Variants in SEZ6L observed in about 807,000 individuals in gnomAD.
The protein encoded by SEZ6L is seizure related 6 homolog like, also known as seizure 6-like protein.
A neutral mutation model predicts 106.2 loss-of-function variants in SEZ6L; 37 were observed. The ratio of observed to expected loss-of-function variants is 0.35; its 90% confidence interval spans 0.27 to 0.46. The LOEUF is 0.46. Ranked by LOEUF, SEZ6L falls within the 20% of genes least tolerant of loss-of-function variation. The probability of loss-of-function intolerance (pLI) is 1.00; values close to 1 mark genes in which losing one functional copy is unlikely to be tolerated. For synonymous variants in SEZ6L, 541 were observed against 570.4 expected (o/e 0.95, Z 0.73); for missense variants, 1,172 against 1,332.8 (o/e 0.88, Z 1.88).
At chr22:26,190,475 G>T (rs1356754271) in intron 1 of SEZ6L, among the ~76,000 whole-genome samples, 1 of 152,112 alleles carries the variant, frequency 6.6e-6, no homozygotes, top group Non-Finnish European at 1.5e-5. Flanking sequence ...TTAAAATCAG[G>T]CTGCCTGAGT....
At chr22:26,266,410 A>AAG (rs948865017) in intron 1 of SEZ6L, among the ~76,000 whole-genome samples, 2 of 150,998 alleles carry the variant, frequency 1.3e-5, no homozygotes, top group African/African-American at 4.9e-5. Context: ...AAAAAAAAAA[A>AAG]AAAATACAAA....
rs143504590 is a variant in SEZ6L, at chr22:26,292,932, G to A, written c.621G>A (p.Ser207=). The change falls in exon 2 of 17, where the codon TCG becomes TCA. Residue 207 remains serine, a synonymous_variant. Transcript: ENST00000248933. The part of the protein sequence containing the change: ...PAPLQISPFT[S]QPYVAHTLPQ... ...CCCTGCAAATCTCCCCCTTCACTTC[G>A]CAGCCCTATGTGGCCCACACACTCC... The A allele has an allele frequency of 1.4e-4, 225 of 1,613,946 alleles. 1 individual carries two copies. The highest frequency in any genetic ancestry group is 1.7e-4 in the Non-Finnish European group (199 of 1,180,006).
chr22:26,225,969 C>T (rs953645336), intron 1 of SEZ6L, among the ~76,000 whole-genome samples: 4 of 152,178 alleles, frequency 2.6e-5, no homozygotes, highest in African/African-American at 9.7e-5. Context: ...ATCCATTACT[C>T]CTTGCTCTCT....
chr22:26,181,406 A>G (rs1463572287), intron 1 of SEZ6L, among the ~76,000 whole-genome samples: 1 of 152,222 alleles, frequency 6.6e-6, no homozygotes, highest in East Asian at 1.9e-4. Flanking sequence ...TTGGAAATTA[A>G]TGTAAAATAT....
At chr22:26,190,255 A>G (rs1374606830) in intron 1 of SEZ6L, among the ~76,000 whole-genome samples, 1 of 152,218 alleles carries the variant, frequency 6.6e-6, no homozygotes, top group Non-Finnish European at 1.5e-5. Flanking sequence ...AAATTTTCAG[A>G]TAAACAAGTT....
intron 9 of SEZ6L, among the ~76,000 whole-genome samples, chr22:26,338,217 T>C (rs2082704746): frequency 6.6e-6 from 1 of 152,212 alleles, no homozygotes; most frequent in African/African-American, 2.4e-5. Context: ...TGCAAGATGA[T>C]GTCCAAAAGT....
At chr22:26,362,223 T>G (rs2083658733) in intron 12 of SEZ6L, among the ~76,000 whole-genome samples, 2 of 152,202 alleles carry the variant, frequency 1.3e-5, no homozygotes, top group African/African-American at 4.8e-5. Flanking sequence ...TGTGATTTGA[T>G]TCTGGGCTCA....
intron 11 of SEZ6L, among the ~76,000 whole-genome samples, chr22:26,348,636 GAAAGAAAGAA>G (rs1280058219): frequency 1.1e-3 from 29 of 27,060 alleles, no homozygotes; most frequent in East Asian, 0.01. Context: ...AAGAAAGAAA[GAAAGAAAGAA>G]AAAGAAAGAA....
chr22:26,294,527 T>C (rs775432327), intron 3 of SEZ6L, 102 bp downstream of exon 3: 1 of 1,270,598 alleles, frequency 7.9e-7, no homozygotes, highest in Non-Finnish European at 1.1e-6. Flanking sequence ...AGTTTGGTTC[T>C]GTCTTTGCCC....
chr22:26,197,713 C>CT lies in SEZ6L; in HGVS notation c.94+27958dup, dbSNP rs904637138. 3.3e-5 allele frequency among the ~76,000 whole-genome samples: 5 copies of CT among 151,988 alleles called. No individual in the cohort carries two copies. The South Asian group carries it at 6.2e-4, about 19-fold the overall frequency. On this transcript the variant is annotated intron_variant, in intron 1 of 16. Coordinates refer to ENST00000248933, the MANE Select transcript of SEZ6L (RefSeq NM_021115.5). Reference sequence around the variant, plus strand: ...GGTTATATAATATGTAAGAGAAACACTTTTTTTTCTAAATGGAACACAGGC... The same window carrying CT: ...GGTTATATAATATGTAAGAGAAACACTTTTTTTTTCTAAATGGAACACAGGC...
chr22:26,197,081 A>T (rs578205053), intron 1 of SEZ6L, among the ~76,000 whole-genome samples: 1 of 152,202 alleles, frequency 6.6e-6, no homozygotes, highest in South Asian at 2.1e-4. Flanking sequence ...ACCCACTTCC[A>T]TACAGACACT....
intron 1 of SEZ6L, among the ~76,000 whole-genome samples, chr22:26,265,635 G>A (rs2080152100): frequency 6.6e-6 from 1 of 152,164 alleles, no homozygotes; most frequent in African/African-American, 2.4e-5. Flanking sequence ...ATCTTCTTTA[G>A]AGCTAACCTG....
At chr22:26,342,999 A>G (rs2082891583) in intron 10 of SEZ6L, among the ~76,000 whole-genome samples, 1 of 152,068 alleles carries the variant, frequency 6.6e-6, no homozygotes, top group Admixed American at 6.6e-5. Context: ...ACGAGTATTG[A>G]TCTTCTTTTT....
rs116866514 is a variant in SEZ6L, at chr22:26,310,100, G to T, written c.1515-570G>T. Among the ~76,000 whole-genome samples, 40 of 152,176 alleles carry T rather than the reference G, an allele frequency of 2.6e-4. 1 individual carries two copies. Among genetic ancestry groups the T allele is most frequent in the Admixed American group, 2.6e-3 (39 of 15,278 alleles). On this transcript the variant is annotated intron_variant, in intron 6 of 16. Coordinates refer to ENST00000248933, the MANE Select transcript of SEZ6L (RefSeq NM_021115.5). ...ATAGTCAACATCAATTCATTAGTTC[G>T]TCGTTTGGTTTATTACATCATATAC...
intron 1 of SEZ6L, among the ~76,000 whole-genome samples, chr22:26,271,161 A>G (rs192925365): frequency 2.6e-5 from 4 of 152,332 alleles, no homozygotes; most frequent in Non-Finnish European, 5.9e-5. Context: ...TCCTTGAAGG[A>G]TAGGAACTAT....
At chr22:26,375,426 C>A in intron 14 of SEZ6L, 149 bp from the exon 15 acceptor site, 1 of 657,424 alleles carries the variant, frequency 1.5e-6, no homozygotes, top group Middle Eastern at 4.1e-4. Context: ...TTCCTCTAGT[C>A]TTTGGAGATG....
intron 1 of SEZ6L, among the ~76,000 whole-genome samples, chr22:26,243,243 C>G (rs2079198770): frequency 6.6e-6 from 1 of 152,136 alleles, no homozygotes; most frequent in Admixed American, 6.5e-5. Context: ...GAACATATGT[C>G]TTTGAGGGAG....
intron 1 of SEZ6L, among the ~76,000 whole-genome samples, chr22:26,243,859 A>G (rs948027506): frequency 6.6e-6 from 1 of 151,416 alleles, no homozygotes; most frequent in Non-Finnish European, 1.5e-5. Flanking sequence ...GTGGCTCACA[A>G]GAGAAGAAAG....
intron 8 of SEZ6L, 99 bp downstream of exon 8, chr22:26,312,061 T>C (rs2081854987): frequency 8.4e-7 from 1 of 1,186,980 alleles, no homozygotes; most frequent in Admixed American, 2.2e-5. Context: ...TCCCCAGTTT[T>C]CATACCAACT....
Sources: gnomAD v4.1 joint callset for allele counts (sites outside exome capture counted in the v4.1 genomes callset) on GRCh38, gnomAD v4.1.1 for gene constraint, MANE v1.5 for transcripts, NCBI Gene and HGNC (gene_info 2026-07-23, HGNC 2026-07-21) for gene names.